LAMA1: variants seen among roughly 807,000 people sequenced by gnomAD.
LAMA1 encodes laminin subunit alpha 1.
A neutral mutation model predicts 348.7 loss-of-function variants in LAMA1; 219 were observed. The ratio of observed to expected loss-of-function variants is 0.63; its 90% confidence interval spans 0.56 to 0.70. LAMA1 has a LOEUF of 0.70. LAMA1 is among the 30% of genes least tolerant of loss of function. LAMA1 has a pLI of 0.00. For synonymous variants in LAMA1, 1,487 were observed against 1,491.0 expected (o/e 1.00, Z 0.06); for missense variants, 3,744 against 3,888.0 (o/e 0.96, Z 0.99).
Position 6,977,726 on chromosome 18 carries a change from C to T in LAMA1, c.6345+1G>A, listed in dbSNP as rs1425425630. On this transcript the variant is annotated splice_donor_variant, in intron 44 of 62. Transcript: ENST00000389658. LOFTEE classifies it high-confidence loss of function. ...CGAAAGCCACGGGGCCCCAAACTCA[C>T]AGAAGCTGCTTGTTTGCGGGCCTGG... 4 of 1,613,960 alleles carry T rather than the reference C, an allele frequency of 2.5e-6. No homozygotes were observed. Among genetic ancestry groups the T allele is most frequent in the South Asian group, 1.1e-5 (1 of 91,080 alleles).
chr18:7,107,211 C>A (rs935033294), intron 1 of LAMA1, among the ~76,000 whole-genome samples: 3 of 151,204 alleles, frequency 2.0e-5, no homozygotes, highest in Non-Finnish European at 4.4e-5. Context: ...CTCCGCCTGC[C>A]GGGTTCACGC....
At chr18:7,006,456 C>T (rs2057832268) in intron 29 of LAMA1, among the ~76,000 whole-genome samples, 1 of 152,138 alleles carries the variant, frequency 6.6e-6, no homozygotes, top group Non-Finnish European at 1.5e-5. Flanking sequence ...TTTTAAAATT[C>T]CCACGTGAGC....
At chr18:6,967,003 G>A (rs1285195450) in intron 48 of LAMA1, among the ~76,000 whole-genome samples, 1 of 152,138 alleles carries the variant, frequency 6.6e-6, no homozygotes, top group Non-Finnish European at 1.5e-5. Context: ...TAATTTTCTG[G>A]AATATCATGA....
At position 7,011,281 on chromosome 18, in the gene LAMA1, G is replaced by A. The variant is rs758628102; in HGVS notation, c.3687+19C>T. 1.4e-5 allele frequency: 23 copies of A among 1,609,116 alleles called. 1 individual carries two copies. The East Asian group carries it at 2.2e-4, about 16-fold the overall frequency. ...TCCTAGGAAGCACCGACTGGCTCTC[G>A]GCTGGGCGTGCACCTCACCTGGTCT... On this transcript the variant is annotated intron_variant, in intron 25 of 62. Coordinates refer to ENST00000389658, the MANE Select transcript of LAMA1 (RefSeq NM_005559.4).
At chr18:6,974,861 C>T (rs369785738) in intron 46 of LAMA1, 42 bp downstream of exon 46, 61 of 1,612,812 alleles carry the variant, frequency 3.8e-5, no homozygotes, top group Non-Finnish European at 4.8e-5. Context: ...ATGAGACACA[C>T]TTTAAAAAAG....
At chr18:7,007,381 G>A (rs2057837219) in intron 28 of LAMA1, 105 bp from the exon 29 acceptor site, 1 of 1,103,390 alleles carries the variant, frequency 9.1e-7, no homozygotes, top group African/African-American at 1.6e-5. Flanking sequence ...CAACAGGTAT[G>A]TGAAAAGAAG....
At chr18:7,091,463 T>TA (rs1158769600) in intron 1 of LAMA1, among the ~76,000 whole-genome samples, 1 of 152,346 alleles carries the variant, frequency 6.6e-6, no homozygotes, top group East Asian at 1.9e-4. Flanking sequence ...TTTAAATACT[T>TA]AAAACACCAG....
At chr18:7,029,537 T>G (rs1012123106) in intron 16 of LAMA1, among the ~76,000 whole-genome samples, 1 of 152,178 alleles carries the variant, frequency 6.6e-6, no homozygotes, top group African/African-American at 2.4e-5. Flanking sequence ...GAAACTAGTA[T>G]GTAGTTCTGT....
chr18:7,052,602 A>C (rs1161874901), intron 3 of LAMA1, among the ~76,000 whole-genome samples: 1 of 151,996 alleles, frequency 6.6e-6, no homozygotes, highest in African/African-American at 2.4e-5. Flanking sequence ...AGGCGCATGC[A>C]TGTAATCCCA....
chr18:7,050,551 T>A, intron 4 of LAMA1, 143 bp downstream of exon 4: 2 of 1,102,386 alleles, frequency 1.8e-6, no homozygotes, highest in Non-Finnish European at 2.6e-6. Context: ...AAATTACTTA[T>A]AATAGACATG....
chr18:6,945,571 T>C (rs2143963813), intron 61 of LAMA1, among the ~76,000 whole-genome samples: 1 of 152,210 alleles, frequency 6.6e-6, no homozygotes, highest in African/African-American at 2.4e-5. Flanking sequence ...TTGACCACAG[T>C]GCTGCAGAAA....
chr18:6,978,102 G>C, intron 43 of LAMA1, 94 bp downstream of exon 43: 1 of 1,516,202 alleles, frequency 6.6e-7, no homozygotes, highest in Non-Finnish European at 9.2e-7. Flanking sequence ...CTACTTTTCA[G>C]GAATGTTGTG....
At chr18:6,976,160 T>C (rs1226453012) in intron 44 of LAMA1, 80 bp from the exon 45 acceptor site, 31 of 1,426,002 alleles carry the variant, frequency 2.2e-5, no homozygotes, top group Non-Finnish European at 3.1e-5. Flanking sequence ...AATGCTATTC[T>C]GTAATGAATT....
chr18:7,102,718 G>A (rs1407951454), intron 1 of LAMA1, among the ~76,000 whole-genome samples: 1 of 151,992 alleles, frequency 6.6e-6, no homozygotes, highest in Non-Finnish European at 1.5e-5. Flanking sequence ...CTAGCACTGG[G>A]GTCTGGAGTA....
intron 42 of LAMA1, 113 bp downstream of exon 42, chr18:6,980,408 T>G: frequency 1.3e-6 from 1 of 769,714 alleles, no homozygotes; most frequent in South Asian, 1.5e-5. Context: ...AATCTTAGTC[T>G]CATTTTTGAG....
At chr18:7,055,795 A>G (rs903812297) in intron 3 of LAMA1, among the ~76,000 whole-genome samples, 7 of 152,094 alleles carry the variant, frequency 4.6e-5, no homozygotes, top group African/African-American at 1.7e-4. Context: ...TAGAAGCGAA[A>G]TAAGGCCTGG....
chr18:7,084,680 A>G (rs2058207777), intron 1 of LAMA1, among the ~76,000 whole-genome samples: 1 of 152,180 alleles, frequency 6.6e-6, no homozygotes, highest in African/African-American at 2.4e-5. Flanking sequence ...CCCTTTCTGT[A>G]CACTTGGCCT....
intron 5 of LAMA1, among the ~76,000 whole-genome samples, chr18:7,046,926 A>G (rs1365201706): frequency 6.6e-6 from 1 of 152,210 alleles, no homozygotes; most frequent in East Asian, 1.9e-4. Context: ...GATTTTGTAT[A>G]CTGCAACACT....
At chr18:7,073,953 G>A (rs548255790) in intron 3 of LAMA1, among the ~76,000 whole-genome samples, 69 of 151,992 alleles carry the variant, frequency 4.5e-4, no homozygotes, top group Admixed American at 1.0e-3. Context: ...CCCTGCCTCA[G>A]CCTCCCAAGT....
Sources: allele counts gnomAD v4.1 joint callset (sites outside exome capture counted in the v4.1 genomes callset), GRCh38; gene constraint gnomAD v4.1.1; transcripts MANE v1.5; gene names NCBI Gene and HGNC (gene_info 2026-07-23, HGNC 2026-07-21).